The following CHRNG variants were observed in gnomAD, a reference collection of about 807,000 sequenced individuals.
CHRNG encodes the protein acetylcholine receptor subunit gamma.
CHRNG carries 72 observed loss-of-function variants against 65.2 expected under a neutral mutation model. The ratio of observed to expected loss-of-function variants is 1.10; its 90% CI spans 0.91 to 1.34. The LOEUF is 1.34. Among genes scored for constraint, CHRNG ranks in the 40% most tolerant of loss-of-function variants. The pLI, the probability that CHRNG is intolerant of heterozygous loss-of-function variation, is 0.00. For missense variants in CHRNG, 637 were observed against 680.1 expected (o/e 0.94, Z 0.70); for synonymous variants, 284 against 290.2 (o/e 0.98, Z 0.22).
At position 232,544,265 on chromosome 2, in the gene CHRNG, T is replaced by C. The variant is rs1692078337; in HGVS notation, c.1036-102T>C. On this transcript the variant is annotated intron_variant, in intron 9 of 11. Transcript: ENST00000651502. ...CCAAGGCCACGTCACTGCCCCGGTA[T>C]GCTGCCTCCATGGTCCCTAGCAGCA... is the stretch of plus-strand genomic sequence containing the variant. 1.0e-5 allele frequency: 9 copies of C among 901,606 alleles called. No individual in the cohort carries two copies. In the Admixed American group the frequency reaches 1.0e-4, roughly 10 times the overall value. The allele number at this position is 901,606 out of a possible 1,614,324, so 55.9% of individuals were successfully genotyped here.
intron 11 of CHRNG, 67 bp from the exon 12 acceptor site, chr2:232,545,476 T>C (rs1280074428): frequency 5.7e-6 from 8 of 1,413,594 alleles, no homozygotes; most frequent in South Asian, 1.2e-5. Context: ...AGCCCAAGGA[T>C]GAGAACAGGA....
Position 232,547,432 on chromosome 2 carries a change from A to G in CHRNG, c.*1716A>G, listed in dbSNP as rs541727035. Among the ~76,000 whole-genome samples the G allele has an allele frequency of 1.3e-5, 2 of 152,218 alleles. No homozygotes were observed. The highest frequency in any genetic ancestry group is 2.9e-5 in the Non-Finnish European group (2 of 68,038). Reference sequence around the variant, plus strand: ...ACCCTGTCTCAAAAAAAATAAAAAAATTACAAAACTGAAAAAAGAAAAGTG... The same window carrying G: ...ACCCTGTCTCAAAAAAAATAAAAAAGTTACAAAACTGAAAAAAGAAAAGTG... On this transcript the variant is annotated 3_prime_UTR_variant, in exon 12 of 12. Transcript: ENST00000651502.
Position 232,540,238 on chromosome 2 carries a change from C to G in CHRNG, c.195+107C>G. The G allele has an allele frequency of 6.2e-7, 1 of 1,603,596 alleles. No individual in the cohort carries two copies. The highest frequency in any genetic ancestry group is 8.5e-7 in the Non-Finnish European group (1 of 1,171,280). Reference sequence around the variant, plus strand: ...AGAGGTTGGAGGGCCCTAAATCGGACAGGCTGGGGTCTGGAAAACCCCCAT... The same window carrying G: ...AGAGGTTGGAGGGCCCTAAATCGGAGAGGCTGGGGTCTGGAAAACCCCCAT... On this transcript the variant is annotated intron_variant, in intron 2 of 11. Coordinates refer to ENST00000651502, the MANE Select transcript of CHRNG (RefSeq NM_005199.5). This position sits in a 1 kb window ranked among gnomAD's most constrained non-coding sequence, Gnocchi z 4.2.
chr2:232,541,039 G>C lies in CHRNG; in HGVS notation c.350+328G>C, dbSNP rs72991918. On this transcript the variant is annotated intron_variant, in intron 4 of 11. Transcript: ENST00000651502. This position sits in a 1 kb window ranked among gnomAD's most constrained non-coding sequence, Gnocchi z 4.0. ...AGTCAACAAGACAGGCATGAAAAGT[G>C]CATCACTCGGGGGCTGGCACATGGT... Among the ~76,000 whole-genome samples, 3,224 of 152,234 alleles carry C rather than the reference G, an allele frequency of 0.021. 66 individuals carry two copies. Among genetic ancestry groups the C allele is most frequent in the Middle Eastern group, 0.061 (18 of 294 alleles).
At chr2:232,542,560 G>A in intron 6 of CHRNG, 40 bp downstream of exon 6, 2 of 1,406,780 alleles carry the variant, frequency 1.4e-6, no homozygotes, top group Non-Finnish European at 2.0e-6. Flanking sequence ...GCCTCATCCA[G>A]GGCTCCTGCT....
rs572750093 is a variant in CHRNG, at chr2:232,547,332, C to T, written c.*1616C>T. Reference sequence around the variant, plus strand: ...ACTCGGGAGGCTGAGGTGGGAGGATCGCTTGAGCCCAGGAGGTCTAGGCTG... The same window carrying T: ...ACTCGGGAGGCTGAGGTGGGAGGATTGCTTGAGCCCAGGAGGTCTAGGCTG... On this transcript the variant is annotated 3_prime_UTR_variant, in exon 12 of 12. Transcript: ENST00000651502. Among the ~76,000 whole-genome samples, 3 of 152,194 alleles carry T rather than the reference C, an allele frequency of 2.0e-5. No individual in the cohort carries two copies. The highest frequency in any genetic ancestry group is 1.9e-4 in the East Asian group (1 of 5,172).
Position 232,539,739 on chromosome 2 carries a change from T to C in CHRNG, c.-9T>C. The C allele has an allele frequency of 6.2e-7, 1 of 1,613,598 alleles. No individual in the cohort carries two copies. On this transcript the variant is annotated 5_prime_UTR_variant, in exon 1 of 12. Coordinates refer to ENST00000651502, the MANE Select transcript of CHRNG (RefSeq NM_005199.5). ...TCCCACCCCTGTCACTGCAGAGAGC[T>C]GAGGCACCATGCATGGGGGCCAGGG...
rs34697564 is a variant in CHRNG at position 232,543,480 on chromosome 2, A to ACCCC, written c.920+96_921-97dup. On this transcript the variant is annotated intron_variant, in intron 8 of 11. Transcript: ENST00000651502. ...TGCATTGCCCTCTTGCCCTCCATCC[A>ACCCC]CCCCCCCCATCCTCAATTCAGGAGG... 10,781 of 1,107,366 alleles carry ACCCC rather than the reference A, an allele frequency of 9.7e-3. 15 individuals carry two copies. The highest frequency in any genetic ancestry group is 0.054 in the East Asian group (2,131 of 39,102). The allele number at this position is 1,107,366 out of a possible 1,614,324, so 68.6% of individuals were successfully genotyped here.
chr2:232,543,459 T>C, intron 8 of CHRNG, 70 bp downstream of exon 8: 4 of 1,248,822 alleles, frequency 3.2e-6, no homozygotes, highest in Non-Finnish European at 4.6e-6. Context: ...GCCTCCTGCA[T>C]TGCCCTCTTG....
In CHRNG at chr2:232,542,962, CAGA is replaced by C. The variant is rs1692047730; in HGVS notation, c.688_690del (p.Lys230del). On this transcript the variant is annotated inframe_deletion, in exon 7 of 12. Coordinates refer to ENST00000651502, the MANE Select transcript of CHRNG (RefSeq NM_005199.5). ...GGCGCCAGCCCAGGAAGCAGGCCAC[CAGA>C]AGGTGGTGTTCTACCTGCTCATCCA... 6.2e-7 allele frequency: 1 copy of C among 1,614,062 alleles called. No individual in the cohort carries two copies. The highest frequency in any genetic ancestry group is 1.7e-5 in the Admixed American group (1 of 60,016).
Position 232,544,817 on chromosome 2 carries a change from A to T in CHRNG, c.1295A>T (p.Lys432Met), listed in dbSNP as rs2106223157. 6.2e-7 allele frequency: 1 copy of T among 1,613,454 alleles called. No homozygotes were observed. Among genetic ancestry groups the T allele is most frequent in the South Asian group, 1.1e-5 (1 of 91,072 alleles). Residue 432 changes from lysine (K) to methionine (M), a missense_variant, in exon 11 of 12, where the codon AAG (lysine) becomes ATG (methionine). By Grantham distance (95) the Lys-to-Met change is moderately conservative. Coordinates refer to ENST00000651502, the MANE Select transcript of CHRNG (RefSeq NM_005199.5). ...CTGAGCCAGTTCTGTGGCAGCCTGAAGCAGGCTGCCCCAGCCATCCAGGCC... is the reference window on the plus strand; with the variant it reads ...CTGAGCCAGTTCTGTGGCAGCCTGATGCAGGCTGCCCCAGCCATCCAGGCC... ...LGLSQFCGSL[K>M]QAAPAIQACV...
In CHRNG at chr2:232,544,468, G is replaced by C. The variant is rs147318482; in HGVS notation, c.1137G>C (p.Ser379=). The change falls in exon 10 of 12, where the codon TCG becomes TCC. Residue 379 remains serine (S), a synonymous_variant. Coordinates refer to ENST00000651502, the MANE Select transcript of CHRNG (RefSeq NM_005199.5). ...AGTCCCGGCTACAGAATGGCTCCTC[G>C]GGATGGTCGATCACAACTGGGGAGG... ...DTQSRLQNGS[S]GWSITTGEEV... The C allele has an allele frequency of 1.9e-6, 3 of 1,613,700 alleles. No individual in the cohort carries two copies. The highest frequency in any genetic ancestry group is 3.3e-5 in the Admixed American group (2 of 60,028).
In CHRNG at chr2:232,540,781, AC is replaced by A. The variant is rs1691999515; in HGVS notation, c.350+71del. ...GGGTCTGGGCCCAGCAGAACAAGGC[AC>A]TCTGGGAAAAGAGAAAGATGAGCAG... On this transcript the variant is annotated intron_variant, in intron 4 of 11. Transcript: ENST00000651502. The surrounding 1 kb of genome is among the most constrained non-coding windows in gnomAD (Gnocchi z 4.2). The A allele has an allele frequency of 7.3e-7, 1 of 1,363,932 alleles. No individual in the cohort carries two copies. The highest frequency in any genetic ancestry group is 1.9e-5 in the Admixed American group (1 of 52,448). 84.5% of individuals were successfully genotyped at this position (1,363,932 alleles called of 1,614,324 possible).
Position 232,541,772 on chromosome 2 carries a change from A to G in CHRNG, c.506+243A>G. On this transcript the variant is annotated intron_variant, in intron 5 of 11. Coordinates refer to ENST00000651502, the MANE Select transcript of CHRNG (RefSeq NM_005199.5). This position sits in a 1 kb window ranked among gnomAD's most constrained non-coding sequence, Gnocchi z 4.0. ...GCCTCAGTTTCCTCACCTGTGCTCC[A>G]AGGGGAGACATTCACGCCTGGGGTG... The G allele has an allele frequency of 1.7e-6, 1 of 586,852 alleles. No homozygotes were observed. Among genetic ancestry groups the G allele is most frequent in the Non-Finnish European group, 3.0e-6 (1 of 328,758 alleles). 36.4% of individuals were successfully genotyped at this position (586,852 alleles called of 1,614,324 possible).
At position 232,545,729 on chromosome 2, in the gene CHRNG, CTG is replaced by C. The variant is rs1256501492; in HGVS notation, c.*16_*17del. The C allele has an allele frequency of 1.2e-6, 2 of 1,614,034 alleles. No individual in the cohort carries two copies. Among genetic ancestry groups the C allele is most frequent in the South Asian group, 2.2e-5 (2 of 91,076 alleles). On this transcript the variant is annotated 3_prime_UTR_variant, in exon 12 of 12. Transcript: ENST00000651502. ...CTCACCAGACTGAGCCAACCAACCACTGTGGGGCATGTGGGAGTCACACACGT... is the reference window on the plus strand; with the variant it reads ...CTCACCAGACTGAGCCAACCAACCACTGGGGCATGTGGGAGTCACACACGT...
Position 232,540,596 on chromosome 2 carries a change from C to A in CHRNG, c.241-6C>A, listed in dbSNP as rs200319008. On this transcript the variant is annotated splice_polypyrimidine_tract_variant and splice_region_variant and intron_variant, in intron 3 of 11. Coordinates refer to ENST00000651502, the MANE Select transcript of CHRNG (RefSeq NM_005199.5). The surrounding 1 kb of genome is among the most constrained non-coding windows in gnomAD (Gnocchi z 4.2). ...AGAGGCCTAGCAACTGCCCCTCCCC[C>A]TGCAGCAGTGGTGCGACTATCGCCT... is the stretch of plus-strand genomic sequence containing the variant. 4.7e-5 allele frequency: 75 copies of A among 1,610,734 alleles called. No individual in the cohort carries two copies. In the East Asian group the frequency reaches 8.3e-4, roughly 18 times the overall value.
rs1691976853 is a variant in CHRNG at position 232,539,848 on chromosome 2, T to G, written c.55+46T>G. 1.9e-6 allele frequency: 3 copies of G among 1,611,858 alleles called. No homozygotes were observed. In the Admixed American group the frequency reaches 5.0e-5, roughly 27 times the overall value. ...AGCCTGGGGAGTCCCAGAGCTGGGG[T>G]CCACAGCCTCAGGGGATGGAGGGTC... is the stretch of plus-strand genomic sequence containing the variant. On this transcript the variant is annotated intron_variant, in intron 1 of 11. Coordinates refer to ENST00000651502, the MANE Select transcript of CHRNG (RefSeq NM_005199.5).
In CHRNG at chr2:232,545,920, T is replaced by C; in HGVS notation, c.*204T>C. ...GGTTGGGGGTGGGCCGTGGCTAGTGTCCTGCTGCAGTCAGCACACACGTGG... is the reference window on the plus strand; with the variant it reads ...GGTTGGGGGTGGGCCGTGGCTAGTGCCCTGCTGCAGTCAGCACACACGTGG... On this transcript the variant is annotated 3_prime_UTR_variant, in exon 12 of 12. Coordinates refer to ENST00000651502, the MANE Select transcript of CHRNG (RefSeq NM_005199.5). 1 of 667,368 alleles carries C rather than the reference T, an allele frequency of 1.5e-6. No individual in the cohort carries two copies. Among genetic ancestry groups the C allele is most frequent in the Non-Finnish European group, 2.7e-6 (1 of 372,136 alleles). 41.3% of individuals were successfully genotyped at this position (667,368 alleles called of 1,614,324 possible). A position where few individuals can be genotyped will look rare whatever the true frequency, so the allele number is the denominator to read the frequency against.
rs750873458 is a variant in CHRNG at position 232,542,939 on chromosome 2, C to G, written c.662C>G (p.Ala221Gly). 1 of 1,614,022 alleles carries G rather than the reference C, an allele frequency of 6.2e-7. No individual in the cohort carries two copies. The highest frequency in any genetic ancestry group is 8.5e-7 in the Non-Finnish European group (1 of 1,179,998). ...GCCAAGATGCTCCTGGACCCAGCGG[C>G]GCCAGCCCAGGAAGCAGGCCACCAG... ...RPAKMLLDPA[A>G]PAQEAGHQKV... The change falls in exon 7 of 12, where the codon GCG (alanine) becomes GGG (glycine). Residue 221 changes from alanine (A) to glycine (G), a missense_variant. Ala to Gly is a moderately conservative substitution (Grantham distance 60, BLOSUM62 0). Transcript: ENST00000651502.
Sources: allele counts gnomAD v4.1 joint callset (sites outside exome capture counted in the v4.1 genomes callset), GRCh38; gene constraint gnomAD v4.1.1; non-coding constraint Gnocchi (gnomAD v3.1); transcripts MANE v1.5; gene names NCBI Gene and HGNC (gene_info 2026-07-23, HGNC 2026-07-21).